Variants in KATNIP observed in about 807,000 individuals in gnomAD.
KATNIP encodes the protein katanin interacting protein, also known as katanin-interacting protein.
In KATNIP, 126 loss-of-function variants were observed where a neutral mutation model predicts 174.0. That is an observed-to-expected ratio of 0.72 (90% CI 0.63 to 0.84). KATNIP has a LOEUF of 0.84. KATNIP is among the 40% of genes least tolerant of loss of function. The pLI, the probability that KATNIP is intolerant of heterozygous loss-of-function variation, is 0.00. For synonymous variants in KATNIP, 810 were observed against 835.7 expected (o/e 0.97, Z 0.53); for missense variants, 1,958 against 2,109.7 (o/e 0.93, Z 1.41).
At chr16:27,617,993 C>T (rs538859179) in intron 2 of KATNIP, among the ~76,000 whole-genome samples, 1 of 152,300 alleles carries the variant, frequency 6.6e-6, no homozygotes, top group South Asian at 2.1e-4. Flanking sequence ...TCGCCTCAGC[C>T]TCCCAAAGTG....
intron 12 of KATNIP, among the ~76,000 whole-genome samples, chr16:27,706,874 C>T (rs1285595670): frequency 6.6e-6 from 1 of 152,204 alleles, no homozygotes; most frequent in African/African-American, 2.4e-5. Context: ...AACTCCCAGT[C>T]CCCTGGAGTC....
At chr16:27,599,013 G>A (rs191077782) in intron 2 of KATNIP, among the ~76,000 whole-genome samples, 1 of 152,224 alleles carries the variant, frequency 6.6e-6, no homozygotes, top group East Asian at 1.9e-4. Flanking sequence ...TCCTGGGAAG[G>A]GATACAACTG....
At position 27,750,108 on chromosome 16, in the gene KATNIP, G is replaced by A. The variant is rs1349362437; in HGVS notation, c.3148G>A (p.Ala1050Thr). ...CCAGGATGACATGCATGTCTGGCTG[G>A]CCCCCTTCACGCGGGGCAGATCCCA... is the stretch of plus-strand genomic sequence containing the variant. ...RTQDDMHVWL[A>T]PFTRGRSHSI... The change falls in exon 16 of 28, where the codon GCC becomes ACC. Residue 1050 changes from alanine (A) to threonine (T), a missense_variant. Ala to Thr is a moderately conservative substitution (Grantham distance 58). This residue lies in a region of KATNIP where 1,557 missense variants were observed against 1,617.8 expected (regional missense o/e 0.96). Transcript: ENST00000261588. 1.2e-6 allele frequency: 2 copies of A among 1,614,104 alleles called. No individual in the cohort carries two copies. Among genetic ancestry groups the A allele is most frequent in the Admixed American group, 1.7e-5 (1 of 60,018 alleles).
intron 14 of KATNIP, among the ~76,000 whole-genome samples, chr16:27,733,537 A>G (rs980149569): frequency 2.0e-4 from 30 of 151,260 alleles, no homozygotes; most frequent in Non-Finnish European, 1.6e-4. Flanking sequence ...GAAGGAAAAA[A>G]AATATTCACA....
chr16:27,594,579 A>G lies in KATNIP; in HGVS notation c.63+20623A>G, dbSNP rs886897579. 6.6e-5 allele frequency among the ~76,000 whole-genome samples: 10 copies of G among 152,094 alleles called. No individual in the cohort carries two copies. The East Asian group carries it at 2.0e-3, about 30-fold the overall frequency. On this transcript the variant is annotated intron_variant, in intron 2 of 27. Coordinates refer to ENST00000261588, the MANE Select transcript of KATNIP (RefSeq NM_015202.5). ...GTGGAACCTGACACTAAAGGTGACA[A>G]GCAGAGACACTGGAGTTCAATAAAG...
rs1484800312 is a variant in KATNIP, at chr16:27,648,667, T to C, written c.472T>C (p.Ser158Pro). 1 of 1,614,176 alleles carries C rather than the reference T, an allele frequency of 6.2e-7. No individual in the cohort carries two copies. Among genetic ancestry groups the C allele is most frequent in the South Asian group, 1.1e-5 (1 of 91,084 alleles). ...RLHIEPPVDYSDDFELCGDVT... is the reference protein window; with the variant it reads ...RLHIEPPVDYPDDFELCGDVT... ...CCACATCGAACCTCCTGTGGACTAT[T>C]CTGATGATTTTGAGCTGTGTGGGGA... The change falls in exon 6 of 28, where the codon TCT becomes CCT. Residue 158 changes from serine to proline, a missense_variant. Ser to Pro is a moderately conservative substitution (Grantham distance 74). This residue lies in a region of KATNIP where 1,557 missense variants were observed against 1,617.8 expected (regional missense o/e 0.96). Coordinates refer to ENST00000261588, the MANE Select transcript of KATNIP (RefSeq NM_015202.5).
chr16:27,617,444 G>A (rs1237045399), intron 2 of KATNIP, among the ~76,000 whole-genome samples: 1 of 152,230 alleles, frequency 6.6e-6, no homozygotes, highest in Non-Finnish European at 1.5e-5. Context: ...CACCCCTAAA[G>A]TGGTAAATCA....
intron 20 of KATNIP, among the ~76,000 whole-genome samples, chr16:27,769,637 C>T (rs1049944043): frequency 1.3e-5 from 2 of 152,232 alleles, no homozygotes; most frequent in Non-Finnish European, 2.9e-5. Flanking sequence ...CCCTGAAAGC[C>T]GTGGACCAGT....
chr16:27,606,450 G>A (rs2075707167), intron 2 of KATNIP, among the ~76,000 whole-genome samples: 1 of 151,706 alleles, frequency 6.6e-6, no homozygotes, highest in Non-Finnish European at 1.5e-5. Context: ...GTACCACCCA[G>A]TACCCACTCG....
chr16:27,728,420 T>C (rs1427175910), intron 14 of KATNIP, among the ~76,000 whole-genome samples: 1 of 152,158 alleles, frequency 6.6e-6, no homozygotes, highest in Non-Finnish European at 1.5e-5. Context: ...GAACAGAGAA[T>C]TCAGCCTTTA....
Position 27,698,526 on chromosome 16 carries a change from C to A in KATNIP, c.1113+26C>A, listed in dbSNP as rs186085838. On this transcript the variant is annotated intron_variant, in intron 9 of 27. Coordinates refer to ENST00000261588, the MANE Select transcript of KATNIP (RefSeq NM_015202.5). ...GTGCGCTCCGGGCTGGGAGAGGAAC[C>A]GGGGGATGCTCCCTGGACTGGGCAG... The A allele has an allele frequency of 1.1e-4, 179 of 1,585,504 alleles. 1 individual carries two copies. The East Asian group carries it at 3.9e-3, about 35-fold the overall frequency.
At chr16:27,565,104 T>C (rs1469603313) in intron 1 of KATNIP, among the ~76,000 whole-genome samples, 1 of 151,592 alleles carries the variant, frequency 6.6e-6, no homozygotes, top group African/African-American at 2.4e-5. Flanking sequence ...GTCTAATAGA[T>C]TTCTGTTGTT....
intron 7 of KATNIP, among the ~76,000 whole-genome samples, chr16:27,679,822 A>G (rs2078262590): frequency 6.6e-6 from 1 of 151,466 alleles, no homozygotes; most frequent in Admixed American, 6.6e-5. Context: ...AATAACTGAC[A>G]TCTCCAGAGA....
intron 15 of KATNIP, among the ~76,000 whole-genome samples, chr16:27,744,620 T>G (rs1314387929): frequency 6.7e-6 from 1 of 149,496 alleles, no homozygotes; most frequent in Non-Finnish European, 1.5e-5. Flanking sequence ...CAGTGGCTGT[T>G]GCCTGTAATC....
intron 6 of KATNIP, among the ~76,000 whole-genome samples, chr16:27,655,229 T>TATATATATA: frequency 1.8e-5 from 2 of 110,258 alleles, no homozygotes; most frequent in African/African-American, 3.4e-5. Flanking sequence ...TATATATATA[T>TATATATATA]TTTGTTTGTT....
intron 21 of KATNIP, among the ~76,000 whole-genome samples, chr16:27,770,488 T>C (rs74949522): frequency 0.017 from 2,612 of 152,354 alleles, 58 homozygotes; most frequent in East Asian, 0.1. Context: ...AGTTTACTCA[T>C]TGAAACCCCC....
intron 13 of KATNIP, 64 bp from the exon 14 acceptor site, chr16:27,721,494 C>T (rs2080240175): frequency 6.2e-7 from 1 of 1,601,730 alleles, no homozygotes; most frequent in African/African-American, 1.3e-5. Flanking sequence ...AGAGCCGCTG[C>T]CATTTTACTT....
At position 27,628,668 on chromosome 16, in the gene KATNIP, A is replaced by C. The variant is rs777734598; in HGVS notation, c.148A>C (p.Lys50Gln). Residue 50 changes from lysine to glutamine, a missense_variant, in exon 4 of 28, where the codon AAG (lysine) becomes CAG (glutamine). Lys to Gln is a moderately conservative substitution (Grantham distance 53). Transcript: ENST00000261588. ...CCACCGTTTCTCTTTCAGGATATTA[A>C]AGCATTTGAAAAGCAAGGACCCCGT... ...ILLQQRNRIL[K>Q]HLKSKDPVQL... 1 of 1,614,124 alleles carries C rather than the reference A, an allele frequency of 6.2e-7. No homozygotes were observed. The highest frequency in any genetic ancestry group is 1.1e-5 in the South Asian group (1 of 91,084).
chr16:27,652,433 G>C (rs1033482120), intron 6 of KATNIP, among the ~76,000 whole-genome samples: 20 of 152,318 alleles, frequency 1.3e-4, no homozygotes, highest in African/African-American at 4.8e-4. Flanking sequence ...CCGCTTTCCA[G>C]AGAGTTCTGC....
Sources: allele counts gnomAD v4.1 joint callset (sites outside exome capture counted in the v4.1 genomes callset), GRCh38; gene constraint gnomAD v4.1.1; regional missense constraint gnomAD v4.1.1; transcripts MANE v1.5; gene names NCBI Gene and HGNC (gene_info 2026-07-23, HGNC 2026-07-21).